Variants in GNAO1 observed in about 807,000 individuals in gnomAD.
GNAO1 encodes G protein subunit alpha o1.
For missense variants in GNAO1, 166 were observed against 478.7 expected (o/e 0.35, Z 6.10); for synonymous variants, 164 against 180.7 (o/e 0.91, Z 0.74).
At chr16:56,302,007 CA>C (rs1439391950) in intron 3 of GNAO1, 1 of 152,284 alleles carries the variant, frequency 6.6e-6, no homozygotes. Flanking sequence ...CGCCCCCGCC[CA>C]GGGGTCCTGC....
intron 4 of GNAO1, 45 bp downstream of exon 4, chr16:56,328,836 C>G: frequency 6.3e-7 from 1 of 1,593,122 alleles, no homozygotes; most frequent in Non-Finnish European, 8.6e-7. Context: ...GGCAGTGATG[C>G]GGGAGTGGAA....
At position 56,351,114 on chromosome 16, in the gene GNAO1, C is replaced by T. The variant is rs574534848; in HGVS notation, c.724-270C>T. Among the ~76,000 whole-genome samples, 4 of 152,310 alleles carry T rather than the reference C, an allele frequency of 2.6e-5. No homozygotes were observed. Among genetic ancestry groups the T allele is most frequent in the Admixed American group, 6.5e-5 (1 of 15,308 alleles). On this transcript the variant is annotated intron_variant, in intron 6 of 8. Transcript: ENST00000262493. The surrounding 1 kb of genome is among the most constrained non-coding windows in gnomAD (Gnocchi z 6.1). ...TGGGAACTCTGCAGTGGGGAGAGCC[C>T]GGGTCACCCTGTCCTCAGCCTCCCC... is the stretch of plus-strand genomic sequence containing the variant.
chr16:56,339,226 T>G (rs770284118), intron 6 of GNAO1, among the ~76,000 whole-genome samples: 2 of 152,210 alleles, frequency 1.3e-5, no homozygotes, highest in Non-Finnish European at 2.9e-5. Flanking sequence ...ACAGATCTGG[T>G]CCAGGGTCTA....
At chr16:56,194,862 C>G (rs1367360806) in intron 2 of GNAO1, among the ~76,000 whole-genome samples, 1 of 152,140 alleles carries the variant, frequency 6.6e-6, no homozygotes, top group East Asian at 1.9e-4. Context: ...GAGCTGAGCT[C>G]TCTGAGGAAA....
intron 6 of GNAO1, chr16:56,345,533 C>A (rs2037857591): frequency 1.0e-6 from 1 of 984,288 alleles, no homozygotes; most frequent in Non-Finnish European, 1.2e-6. Context: ...AGGAACCTTC[C>A]CTAGTGCCAA....
intron 2 of GNAO1, among the ~76,000 whole-genome samples, chr16:56,258,094 A>G (rs2036869518): frequency 6.6e-6 from 1 of 152,240 alleles, no homozygotes; most frequent in Non-Finnish European, 1.5e-5. Context: ...CCTGGCCCAA[A>G]TCCAGGCTGC....
At chr16:56,283,819 G>C (rs1257866212) in intron 3 of GNAO1, among the ~76,000 whole-genome samples, 1 of 152,154 alleles carries the variant, frequency 6.6e-6, no homozygotes, top group Non-Finnish European at 1.5e-5. Flanking sequence ...AACAGCCCCA[G>C]AGCCTGCCCT....
Position 56,282,867 on chromosome 16 carries a change from T to C in GNAO1, c.303+6795T>C, listed in dbSNP as rs545050941. Among the ~76,000 whole-genome samples the C allele has an allele frequency of 5.9e-5, 9 of 152,374 alleles. No individual in the cohort carries two copies. The East Asian group carries it at 1.3e-3, about 23-fold the overall frequency. The stretch of plus-strand genomic sequence containing the variant: ...AAGGAGCAAGCCTTTGTCTAAAACC[T>C]TGGGGACAGCCAAAATGAATGTTAA... On this transcript the variant is annotated intron_variant, in intron 3 of 8. Coordinates refer to ENST00000262493, the MANE Select transcript of GNAO1 (RefSeq NM_020988.3).
chr16:56,294,679 A>T (rs2037266630), intron 3 of GNAO1, among the ~76,000 whole-genome samples: 1 of 152,194 alleles, frequency 6.6e-6, no homozygotes, highest in Non-Finnish European at 1.5e-5. Context: ...TAACTGCATA[A>T]GAAACTTCCA....
intron 2 of GNAO1, among the ~76,000 whole-genome samples, chr16:56,230,131 A>G (rs2036574833): frequency 6.6e-6 from 1 of 152,174 alleles, no homozygotes; most frequent in African/African-American, 2.4e-5. Context: ...TTTAAAAAAA[A>G]AAAATGTCAA....
chr16:56,259,319 T>A (rs1320141603), intron 2 of GNAO1, among the ~76,000 whole-genome samples: 1 of 152,212 alleles, frequency 6.6e-6, no homozygotes, highest in Non-Finnish European at 1.5e-5. Context: ...TCAGGAGGTG[T>A]TGGGTAAATG....
At chr16:56,335,727 C>T (rs567993980) in intron 5 of GNAO1, among the ~76,000 whole-genome samples, 1 of 152,198 alleles carries the variant, frequency 6.6e-6, no homozygotes, top group African/African-American at 2.4e-5. Flanking sequence ...CCTGCTCCCC[C>T]ACTGGGAGCA....
At chr16:56,241,868 C>T (rs1193767034) in intron 2 of GNAO1, among the ~76,000 whole-genome samples, 2 of 152,194 alleles carry the variant, frequency 1.3e-5, no homozygotes, top group Non-Finnish European at 2.9e-5. Flanking sequence ...GGGAGCTGGG[C>T]ATGAGCAGAA....
intron 2 of GNAO1, among the ~76,000 whole-genome samples, chr16:56,247,978 A>G (rs2036765062): frequency 6.6e-6 from 1 of 152,210 alleles, no homozygotes; most frequent in South Asian, 2.1e-4. Flanking sequence ...AGCTCTCAGA[A>G]GGTTGTTCAT....
chr16:56,279,713 C>T (rs1170409787), intron 3 of GNAO1, among the ~76,000 whole-genome samples: 1 of 152,198 alleles, frequency 6.6e-6, no homozygotes, highest in Non-Finnish European at 1.5e-5. Context: ...TTCCATAGAG[C>T]AGTGGGCCCT....
intron 2 of GNAO1, chr16:56,194,364 C>T: frequency 2.3e-6 from 1 of 434,048 alleles, no homozygotes; most frequent in Non-Finnish European, 4.7e-6. Context: ...CCGCGCCACC[C>T]CTTTCTCCCG....
chr16:56,335,383 G>A (rs1428981504), intron 5 of GNAO1, among the ~76,000 whole-genome samples: 16 of 152,186 alleles, frequency 1.1e-4, no homozygotes, highest in African/African-American at 3.9e-4. Flanking sequence ...GGGCTCTGGG[G>A]CCTCAGAGCA....
intron 3 of GNAO1, among the ~76,000 whole-genome samples, chr16:56,290,072 CTT>C (rs1188511616): frequency 1.3e-5 from 2 of 152,250 alleles, no homozygotes; most frequent in Non-Finnish European, 2.9e-5. Context: ...GCTGCTGACT[CTT>C]TAAATGCCAC....
At chr16:56,235,385 G>A (rs1387990810) in intron 2 of GNAO1, 3 of 455,944 alleles carry the variant, frequency 6.6e-6, no homozygotes, top group African/African-American at 6.0e-5. Context: ...CTACAAGGAG[G>A]TAGGTAGAGC....
Sources: allele counts gnomAD v4.1 joint callset (sites outside exome capture counted in the v4.1 genomes callset), GRCh38; gene constraint gnomAD v4.1.1; non-coding constraint Gnocchi (gnomAD v3.1); transcripts MANE v1.5; gene names NCBI Gene and HGNC (gene_info 2026-07-23, HGNC 2026-07-21).